The following PATJ variants were observed in gnomAD, a reference collection of about 807,000 sequenced individuals.
The protein encoded by PATJ is inaD-like protein.
A neutral mutation model predicts 224.9 loss-of-function variants in PATJ; 190 were observed. The observed-to-expected ratio is 0.84, with a 90% CI of 0.75 to 0.95. The LOEUF is 0.95. PATJ is among the 40% of genes least tolerant of loss of function. PATJ has a pLI of 0.00. For missense variants in PATJ, 2,121 were observed against 2,270.3 expected (o/e 0.93, Z 1.34); for synonymous variants, 769 against 820.3 (o/e 0.94, Z 1.07).
intron 25 of PATJ, among the ~76,000 whole-genome samples, chr1:61,911,072 AG>A (rs1672564015): frequency 6.6e-6 from 1 of 152,204 alleles, no homozygotes; most frequent in Non-Finnish European, 1.5e-5. Context: ...TGCCCATCAA[AG>A]GTGATGTCTA....
In PATJ at chr1:61,776,815, T is replaced by A. The variant is rs6686830; in HGVS notation, c.849+1481T>A. 3.5e-3 allele frequency among the ~76,000 whole-genome samples: 525 copies of A among 151,740 alleles called. 2 individuals carry two copies. Among genetic ancestry groups the A allele is most frequent in the African/African-American group, 0.011 (471 of 41,380 alleles). On this transcript the variant is annotated intron_variant, in intron 7 of 43. Coordinates refer to ENST00000642238, the MANE Select transcript of PATJ (RefSeq NM_001350145.3). ...ATCTTGGCTCACTGCAAGCTCCACC[T>A]CCCAGGTTCTTGCCATTCTCCTGCC... is the stretch of plus-strand genomic sequence containing the variant.
At chr1:61,841,688 C>T (rs1335559425) in intron 17 of PATJ, among the ~76,000 whole-genome samples, 1 of 150,774 alleles carries the variant, frequency 6.6e-6, no homozygotes, top group Non-Finnish European at 1.5e-5. Context: ...CTACTAATGG[C>T]AGTATCTGTA....
chr1:62,087,729 C>T (rs1660195251), intron 33 of PATJ, among the ~76,000 whole-genome samples: 1 of 151,444 alleles, frequency 6.6e-6, no homozygotes, highest in African/African-American at 2.4e-5. Context: ...TTATCTCCTT[C>T]TGCTTGATAA....
chr1:61,876,092 A>G (rs571733254), intron 21 of PATJ, among the ~76,000 whole-genome samples: 2 of 152,242 alleles, frequency 1.3e-5, no homozygotes, highest in South Asian at 4.1e-4. Context: ...TTGTATAGTA[A>G]TATGTTGTAA....
At position 62,161,150 on chromosome 1, in the gene PATJ, G is replaced by A; in HGVS notation, c.*96G>A. On this transcript the variant is annotated 3_prime_UTR_variant, in exon 44 of 44. Transcript: ENST00000642238. ...TATGAAAAGCACCCTCAACTAAAAT[G>A]CACCTTCATTCTTATTTCTTGCCCT... 1 of 959,440 alleles carries A rather than the reference G, an allele frequency of 1.0e-6. No homozygotes were observed. The allele number at this position is 959,440 out of a possible 1,614,324, so 59.4% of individuals were successfully genotyped here. A position where few individuals can be genotyped will look rare whatever the true frequency, so the allele number is the denominator to read the frequency against.
In PATJ at chr1:61,754,412, A is replaced by G. The variant is rs374210119; in HGVS notation, c.-35-8446A>G. ...TTCTTGTCATATACTCTTTTTTGTCATAGCTAACTGCACCCTCAATTTCCT... is the reference window on the plus strand; with the variant it reads ...TTCTTGTCATATACTCTTTTTTGTCGTAGCTAACTGCACCCTCAATTTCCT... On this transcript the variant is annotated intron_variant, in intron 1 of 43. Coordinates refer to ENST00000642238, the MANE Select transcript of PATJ (RefSeq NM_001350145.3). Among the ~76,000 whole-genome samples, 79 of 151,470 alleles carry G rather than the reference A, an allele frequency of 5.2e-4. 1 individual carries two copies. In the South Asian group the frequency reaches 0.011, roughly 20 times the overall value.
intron 28 of PATJ, among the ~76,000 whole-genome samples, chr1:61,993,729 C>G (rs1342347851): frequency 6.6e-6 from 1 of 152,138 alleles, no homozygotes; most frequent in Non-Finnish European, 1.5e-5. Context: ...GTGCCAGAAA[C>G]TGCAAGCAGA....
intron 39 of PATJ, among the ~76,000 whole-genome samples, chr1:62,125,383 A>G (rs1228865060): frequency 6.6e-6 from 1 of 152,066 alleles, no homozygotes; most frequent in Non-Finnish European, 1.5e-5. Context: ...TGTGGATTAC[A>G]TGAGGTCATG....
At chr1:61,876,094 A>G (rs985945342) in intron 21 of PATJ, among the ~76,000 whole-genome samples, 3 of 152,170 alleles carry the variant, frequency 2.0e-5, no homozygotes, top group South Asian at 2.1e-4. Flanking sequence ...GTATAGTAAT[A>G]TGTTGTAAGG....
rs535709038 is a variant in PATJ, at chr1:61,777,186, A to G, written c.849+1852A>G. Among the ~76,000 whole-genome samples the G allele has an allele frequency of 1.1e-3, 161 of 152,356 alleles. 1 individual carries two copies. The highest frequency in any genetic ancestry group is 3.8e-3 in the African/African-American group (158 of 41,582). Reference sequence around the variant, plus strand: ...AAACAACTGACACTGTTTGTTAGCAACAATAAAATTTGAGCTTAAGCAAAA... The same window carrying G: ...AAACAACTGACACTGTTTGTTAGCAGCAATAAAATTTGAGCTTAAGCAAAA... On this transcript the variant is annotated intron_variant, in intron 7 of 43. Transcript: ENST00000642238.
intron 27 of PATJ, among the ~76,000 whole-genome samples, chr1:61,933,539 CA>C (rs796818712): frequency 0.081 from 5,837 of 71,782 alleles, 329 homozygotes; most frequent in African/African-American, 0.21. Flanking sequence ...GACTCCATCT[CA>C]AAAAAAAAAA....
chr1:61,815,234 G>A lies in PATJ; in HGVS notation c.1683+6704G>A, dbSNP rs12742142. 1.4e-3 allele frequency among the ~76,000 whole-genome samples: 218 copies of A among 152,318 alleles called. 1 individual carries two copies. Among genetic ancestry groups the A allele is most frequent in the Middle Eastern group, 6.8e-3 (2 of 294 alleles). On this transcript the variant is annotated intron_variant, in intron 14 of 43. Coordinates refer to ENST00000642238, the MANE Select transcript of PATJ (RefSeq NM_001350145.3). ...CTCTGCTGTGGGAAAGGGCTTGTGT[G>A]TTGGGGGAATAGAAGTTGTTTCTTT...
intron 27 of PATJ, among the ~76,000 whole-genome samples, chr1:61,942,047 A>G (rs1169274922): frequency 6.6e-6 from 1 of 152,212 alleles, no homozygotes; most frequent in Admixed American, 6.5e-5. Context: ...TGAATGATGT[A>G]TCTTTCATTT....
At chr1:62,084,056 C>A (rs1417260354) in intron 32 of PATJ, among the ~76,000 whole-genome samples, 1 of 152,150 alleles carries the variant, frequency 6.6e-6, no homozygotes, top group Non-Finnish European at 1.5e-5. Flanking sequence ...GAGTCCGAGA[C>A]CAGCCTGGCC....
chr1:61,823,739 T>G (rs1387144270), intron 15 of PATJ, among the ~76,000 whole-genome samples: 1 of 150,900 alleles, frequency 6.6e-6, no homozygotes, highest in Non-Finnish European at 1.5e-5. Context: ...ATTTTAGAGA[T>G]TTTTTTTTTC....
At chr1:61,843,765 T>C (rs1347939727) in intron 17 of PATJ, among the ~76,000 whole-genome samples, 1 of 151,750 alleles carries the variant, frequency 6.6e-6, no homozygotes, top group Non-Finnish European at 1.5e-5. Context: ...TTTTCTTAAC[T>C]CAAAATAATC....
intron 29 of PATJ, among the ~76,000 whole-genome samples, chr1:62,037,081 T>C (rs1650564246): frequency 6.6e-6 from 1 of 152,140 alleles, no homozygotes; most frequent in Non-Finnish European, 1.5e-5. Context: ...ATAGCTCTTC[T>C]ATATACATGG....
intron 31 of PATJ, chr1:62,054,375 AG>A (rs1451019438): frequency 6.8e-6 from 3 of 438,570 alleles, no homozygotes; most frequent in African/African-American, 6.1e-5. Context: ...AAAAAAAAAA[AG>A]TTATTTTCAG....
intron 22 of PATJ, among the ~76,000 whole-genome samples, chr1:61,898,177 T>C (rs1670639285): frequency 6.6e-6 from 1 of 152,210 alleles, no homozygotes; most frequent in African/African-American, 2.4e-5. Flanking sequence ...GCTTAAGCCT[T>C]CTCTGAGCTT....
Sources: allele counts gnomAD v4.1 joint callset (sites outside exome capture counted in the v4.1 genomes callset), GRCh38; gene constraint gnomAD v4.1.1; transcripts MANE v1.5; gene names NCBI Gene and HGNC (gene_info 2026-07-23, HGNC 2026-07-21).